Variants in SLIT1 observed in about 807,000 individuals in gnomAD.
SLIT1 encodes the protein slit guidance ligand 1, also known as slit homolog 1 protein.
Under a neutral mutation model 186.1 loss-of-function variants are expected in SLIT1, and 66 were observed. The ratio of observed to expected loss-of-function variants is 0.35; its 90% CI spans 0.29 to 0.44. The LOEUF is 0.44. Ranked by LOEUF, SLIT1 falls within the 20% of genes least tolerant of loss-of-function variation. SLIT1 has a pLI of 1.00. For synonymous variants in SLIT1, 761 were observed against 833.8 expected (o/e 0.91, Z 1.50); for missense variants, 1,638 against 2,037.4 (o/e 0.80, Z 3.77).
chr10:97,079,878 T>A (rs1445671159), intron 4 of SLIT1, among the ~76,000 whole-genome samples: 10 of 152,040 alleles, frequency 6.6e-5, no homozygotes, highest in African/African-American at 1.9e-4. Context: ...GACTTCCAGG[T>A]CATGGGGTAG....
intron 4 of SLIT1, among the ~76,000 whole-genome samples, chr10:97,100,381 T>C (rs1849338577): frequency 6.6e-6 from 1 of 152,078 alleles, no homozygotes; most frequent in Non-Finnish European, 1.5e-5. Context: ...CTCAACACTT[T>C]GGGAGGCCAA....
rs1850406976 is a variant in SLIT1 at position 97,185,779 on chromosome 10, G to T, written c.-105C>A. The T allele has an allele frequency of 2.9e-6, 3 of 1,048,208 alleles. No individual in the cohort carries two copies. The highest frequency in any genetic ancestry group is 1.3e-6 in the Non-Finnish European group (1 of 780,578). 64.9% of individuals were successfully genotyped at this position (1,048,208 alleles called of 1,614,324 possible). On this transcript the variant is annotated 5_prime_UTR_variant, in exon 1 of 37. Coordinates refer to ENST00000266058, the MANE Select transcript of SLIT1 (RefSeq NM_003061.3). ...AGTCCCGGGGCAGAGCCACCGAAGA[G>T]CCCGCGGGCTTGCGCGCGGCGCCCC...
chr10:97,011,682 C>T (rs918157481), intron 30 of SLIT1, among the ~76,000 whole-genome samples: 2 of 152,170 alleles, frequency 1.3e-5, no homozygotes, highest in Non-Finnish European at 2.9e-5. Flanking sequence ...CCAAAACACT[C>T]CCTTTGGGCT....
At chr10:97,049,151 C>T (rs1848765042) in intron 13 of SLIT1, 33 bp from the exon 14 acceptor site, 6 of 1,601,378 alleles carry the variant, frequency 3.7e-6, no homozygotes, top group Non-Finnish European at 5.1e-6. Context: ...CTATGAGAAA[C>T]AAGGGCTGCA....
At chr10:97,060,817 C>T (rs766130237) in intron 8 of SLIT1, 30 bp from the exon 9 acceptor site, 12 of 1,550,708 alleles carry the variant, frequency 7.7e-6, no homozygotes, top group Middle Eastern at 3.4e-4. Flanking sequence ...TGGCCTCAGG[C>T]TGTCATGCAT....
At chr10:97,129,808 A>T (rs1376964682) in intron 4 of SLIT1, among the ~76,000 whole-genome samples, 1 of 152,154 alleles carries the variant, frequency 6.6e-6, no homozygotes, top group Non-Finnish European at 1.5e-5. Context: ...CAATGTGGAC[A>T]CAGCCCTGTT....
At chr10:97,182,404 T>C (rs927982780) in intron 1 of SLIT1, among the ~76,000 whole-genome samples, 8 of 152,250 alleles carry the variant, frequency 5.3e-5, no homozygotes, top group Non-Finnish European at 1.2e-4. Flanking sequence ...TTTCAGGCTC[T>C]GATACTGCAC....
At chr10:97,008,972 C>T (rs974781682) in intron 31 of SLIT1, among the ~76,000 whole-genome samples, 15 of 151,816 alleles carry the variant, frequency 9.9e-5, no homozygotes, top group South Asian at 4.2e-4. Context: ...CTCTGCCTCC[C>T]GGGTTCATGC....
At chr10:97,020,968 G>A (rs1012621968) in intron 26 of SLIT1, among the ~76,000 whole-genome samples, 6 of 152,260 alleles carry the variant, frequency 3.9e-5, no homozygotes, top group East Asian at 1.9e-4. Context: ...GCTCTGCTGC[G>A]AGGCTTGGAG....
chr10:97,146,928 C>T (rs982861415), intron 4 of SLIT1, among the ~76,000 whole-genome samples: 3 of 117,384 alleles, frequency 2.6e-5, no homozygotes, highest in Non-Finnish European at 4.0e-5. Flanking sequence ...GCATTGCCTT[C>T]TCTGGTGGAG....
At position 97,031,596 on chromosome 10, in the gene SLIT1, G is replaced by A; in HGVS notation, c.2510+10C>T. On this transcript the variant is annotated intron_variant, in intron 24 of 36. Transcript: ENST00000266058. ...GATTTTCTGGCAGGATGGTGAGTGA[G>A]GAGACTTACAGCAGGCGCAGGGAGC... The A allele has an allele frequency of 1.3e-6, 2 of 1,549,220 alleles. No homozygotes were observed. Among genetic ancestry groups the A allele is most frequent in the Non-Finnish European group, 1.7e-6 (2 of 1,145,010 alleles).
chr10:97,004,812 T>C lies in SLIT1; in HGVS notation c.3591A>G (p.Ala1197=), dbSNP rs1308358024. ...RANITLQVST[A]EDNGILLYNG... ...TGTACAGAAGGATCCCATTGTCCTCTGCCGTGGAGACCTGATGGGCAGTGG... is the reference window on the plus strand; with the variant it reads ...TGTACAGAAGGATCCCATTGTCCTCCGCCGTGGAGACCTGATGGGCAGTGG... The change falls in exon 33 of 37, where the codon GCA becomes GCG. Residue 1197 remains alanine (A), a synonymous_variant. Transcript: ENST00000266058. The surrounding 1 kb of genome is among the most constrained non-coding windows in gnomAD (Gnocchi z 5.1). 3 of 1,614,160 alleles carry C rather than the reference T, an allele frequency of 1.9e-6. No homozygotes were observed. Among genetic ancestry groups the C allele is most frequent in the Non-Finnish European group, 2.5e-6 (3 of 1,180,024 alleles).
chr10:97,146,969 G>C (rs1210990803), intron 4 of SLIT1, among the ~76,000 whole-genome samples: 1 of 152,122 alleles, frequency 6.6e-6, no homozygotes, highest in African/African-American at 2.4e-5. Context: ...GCATTGTGGG[G>C]GCTCTGACAG....
intron 4 of SLIT1, among the ~76,000 whole-genome samples, chr10:97,083,438 C>T (rs1448279512): frequency 6.6e-6 from 1 of 152,108 alleles, no homozygotes; most frequent in Non-Finnish European, 1.5e-5. Flanking sequence ...GGCAGTGACA[C>T]TTGATGGATG....
At chr10:97,111,122 G>A (rs1018058811) in intron 4 of SLIT1, among the ~76,000 whole-genome samples, 5 of 152,056 alleles carry the variant, frequency 3.3e-5, no homozygotes, top group East Asian at 1.9e-4. Context: ...CCTGGGAGGC[G>A]GAGGTTGCAG....
At chr10:97,079,267 G>A (rs1299028651) in intron 4 of SLIT1, among the ~76,000 whole-genome samples, 1 of 152,220 alleles carries the variant, frequency 6.6e-6, no homozygotes, top group African/African-American at 2.4e-5. Flanking sequence ...AGTTAGTCGG[G>A]ATGGGGGGTG....
intron 4 of SLIT1, among the ~76,000 whole-genome samples, chr10:97,137,022 C>A (rs2817713): frequency 0.48 from 73,187 of 152,032 alleles, 20,468 homozygotes; most frequent in South Asian, 0.65. Flanking sequence ...TCCCTCCAAC[C>A]TGGACTTCAC....
intron 4 of SLIT1, among the ~76,000 whole-genome samples, chr10:97,137,758 G>A (rs1849716692): frequency 6.6e-6 from 1 of 152,036 alleles, no homozygotes; most frequent in South Asian, 2.1e-4. Context: ...GCTAATTTTT[G>A]TATTTTCTGT....
chr10:97,132,816 T>C (rs1849666852), intron 4 of SLIT1, among the ~76,000 whole-genome samples: 1 of 152,234 alleles, frequency 6.6e-6, no homozygotes, highest in South Asian at 2.1e-4. Flanking sequence ...CCAGCACTCC[T>C]GGCTCCTAAC....
Sources: allele counts gnomAD v4.1 joint callset (sites outside exome capture counted in the v4.1 genomes callset), GRCh38; gene constraint gnomAD v4.1.1; non-coding constraint Gnocchi (gnomAD v3.1); transcripts MANE v1.5; gene names NCBI Gene and HGNC (gene_info 2026-07-23, HGNC 2026-07-21).